GOLGB1: variants seen among roughly 807,000 people sequenced by gnomAD.
GOLGB1 encodes the protein golgin subfamily B member 1.
Under a neutral mutation model 336.9 loss-of-function variants are expected in GOLGB1, and 174 were observed. That is an observed-to-expected ratio of 0.52 (90% confidence interval 0.46 to 0.59). The LOEUF (loss-of-function observed/expected upper bound fraction) is 0.59, where lower values mean the gene tolerates loss of function less well. Ranked by LOEUF, GOLGB1 falls within the 20% of genes least tolerant of loss-of-function variation. GOLGB1 has a pLI of 0.00. For synonymous variants in GOLGB1, 1,208 were observed against 1,289.2 expected, an observed-to-expected ratio of 0.94 and a Z score of 1.35; for missense variants, 3,331 against 3,645.3, an observed-to-expected ratio of 0.91 and a Z score of 2.22.
chr3:121,680,256 A>G (rs572109059), intron 15 of GOLGB1, among the ~76,000 whole-genome samples: 111 of 152,366 alleles, frequency 7.3e-4, no homozygotes, highest in African/African-American at 2.5e-3. Context: ...GAAGATTCAA[A>G]TAAGACTGAA....
intron 5 of GOLGB1, among the ~76,000 whole-genome samples, chr3:121,725,768 G>T (rs1560302864): frequency 6.6e-6 from 1 of 152,052 alleles, no homozygotes; most frequent in Non-Finnish European, 1.5e-5. Context: ...CACATTCACA[G>T]ATTAATGGAT....
chr3:121,684,376 G>C (rs972042080), intron 14 of GOLGB1, among the ~76,000 whole-genome samples: 1 of 150,400 alleles, frequency 6.6e-6, no homozygotes, highest in Non-Finnish European at 1.5e-5. Flanking sequence ...CAGAGAAAAA[G>C]GATAGAGGAA....
rs761448806 is a variant in GOLGB1, at chr3:121,696,537, T to G, written c.3986A>C (p.Lys1329Thr). The change falls in exon 13 of 22, where the codon AAA (lysine) becomes ACA (threonine). Residue 1329 changes from lysine to threonine, a missense_variant. Transcript: ENST00000614479. The stretch of plus-strand genomic sequence containing the variant: ...AAGCTCACTTGTTGTAGAACTAACT[T>G]TCAATTCTAACTCTACTTTCTCAGC... ...IEAEKVELELKVSSTTSELTK... is the reference protein window; with the variant it reads ...IEAEKVELELTVSSTTSELTK... 1 of 1,614,152 alleles carries G rather than the reference T, an allele frequency of 6.2e-7. No homozygotes were observed. The highest frequency in any genetic ancestry group is 1.1e-5 in the South Asian group (1 of 91,074).
At chr3:121,725,536 C>A (rs116063259) in intron 5 of GOLGB1, among the ~76,000 whole-genome samples, 353 of 152,206 alleles carry the variant, frequency 2.3e-3, no homozygotes, top group Non-Finnish European at 4.2e-3. Context: ...ATTTCACAGG[C>A]TCACAGAAAT....
At chr3:121,722,159 C>A in intron 6 of GOLGB1, 103 bp downstream of exon 6, 1 of 705,256 alleles carries the variant, frequency 1.4e-6, no homozygotes, top group Admixed American at 2.2e-5. Context: ...TGCTACTATA[C>A]TTTTATCTAC....
chr3:121,730,799 T>G, intron 2 of GOLGB1, 77 bp downstream of exon 2: 1 of 1,459,918 alleles, frequency 6.8e-7, no homozygotes, highest in Non-Finnish European at 9.2e-7. Flanking sequence ...TCGCACACCC[T>G]TCTATCTTAA....
At chr3:121,715,878 G>A (rs932402309) in intron 9 of GOLGB1, among the ~76,000 whole-genome samples, 3 of 151,972 alleles carry the variant, frequency 2.0e-5, no homozygotes, top group African/African-American at 7.3e-5. Flanking sequence ...TGTAATCCAA[G>A]CTACTTGGGA....
Position 121,715,992 on chromosome 3 carries a change from C to CA in GOLGB1, c.1288+744dup, listed in dbSNP as rs55780373. Among the ~76,000 whole-genome samples, 79 of 141,142 alleles carry CA rather than the reference C, an allele frequency of 5.6e-4. No homozygotes were observed. The South Asian group carries it at 6.1e-3, about 11-fold the overall frequency. 92.6% of individuals were successfully genotyped at this position (141,142 alleles called of 152,430 possible). On this transcript the variant is annotated intron_variant, in intron 9 of 21. Coordinates refer to ENST00000614479, the MANE Select transcript of GOLGB1 (RefSeq NM_001366282.2). ...GGGCAACAAGAGTGAAACTCTGTCA[C>CA]AAAAAAAAAAAAACAAAAAACAAAA...
chr3:121,710,053 C>T (rs983249902), intron 10 of GOLGB1, among the ~76,000 whole-genome samples: 5 of 146,722 alleles, frequency 3.4e-5, no homozygotes, highest in Non-Finnish European at 7.5e-5. Flanking sequence ...ATAGACAAAA[C>T]CCCAGGAAAA....
At chr3:121,717,560 T>A (rs928147236) in intron 8 of GOLGB1, among the ~76,000 whole-genome samples, 3 of 152,032 alleles carry the variant, frequency 2.0e-5, no homozygotes, top group African/African-American at 7.2e-5. Flanking sequence ...AGAATGAAGA[T>A]CAGGACAATA....
rs1440677100 is a variant in GOLGB1 at position 121,729,270 on chromosome 3, A to G, written c.320T>C (p.Leu107Ser). The G allele has an allele frequency of 3.7e-6, 6 of 1,612,878 alleles. No individual in the cohort carries two copies. In the African/African-American group the frequency reaches 8.0e-5, roughly 22 times the overall value. Reference protein sequence around the residue: ...KLHAKAKLTSLNKYIEEMKAQ... With the variant: ...KLHAKAKLTSSNKYIEEMKAQ... The stretch of plus-strand genomic sequence containing the variant: ...TTTCATTTCTTCTATGTATTTATTC[A>G]AAGAAGTTAATTTGGCCTTCGCATG... Residue 107 changes from leucine to serine, a missense_variant, in exon 4 of 22, where the codon TTG (leucine) becomes TCG (serine). Transcript: ENST00000614479.
At chr3:121,745,631 T>C (rs557638275) in intron 1 of GOLGB1, among the ~76,000 whole-genome samples, 1 of 152,246 alleles carries the variant, frequency 6.6e-6, no homozygotes, top group African/African-American at 2.4e-5. Flanking sequence ...TAAATTCATG[T>C]AAGGAATATG....
chr3:121,741,321 G>A (rs920788587), intron 1 of GOLGB1, among the ~76,000 whole-genome samples: 1 of 152,110 alleles, frequency 6.6e-6, no homozygotes, highest in Non-Finnish European at 1.5e-5. Flanking sequence ...AGTAAAGACT[G>A]GAGGAGAGAC....
chr3:121,696,423 T>C lies in GOLGB1; in HGVS notation c.4100A>G (p.Glu1367Gly). 1 of 1,614,172 alleles carries C rather than the reference T, an allele frequency of 6.2e-7. No individual in the cohort carries two copies. The highest frequency in any genetic ancestry group is 8.5e-7 in the Non-Finnish European group (1 of 1,180,020). The change falls in exon 13 of 22, where the codon GAA becomes GGA. Residue 1367 changes from glutamate (E) to glycine (G), a missense_variant. Coordinates refer to ENST00000614479, the MANE Select transcript of GOLGB1 (RefSeq NM_001366282.2). ...CAGGCTTTCGGCATGGACTTCAGCT[T>C]CATGGGATACTGTCTTTAGACTCTC... ...EIESLKTVSHEAEVHAESLQQ... is the reference protein window; with the variant it reads ...EIESLKTVSHGAEVHAESLQQ...
At chr3:121,673,577 T>G (rs892922653) in intron 17 of GOLGB1, among the ~76,000 whole-genome samples, 1 of 152,244 alleles carries the variant, frequency 6.6e-6, no homozygotes, top group African/African-American at 2.4e-5. Context: ...CTTTCCTTTT[T>G]TTAGTGTCCT....
At chr3:121,748,930 C>G (rs749040311) in intron 1 of GOLGB1, 2 of 985,016 alleles carry the variant, frequency 2.0e-6, no homozygotes, top group Non-Finnish European at 2.4e-6. Flanking sequence ...GCAGATTAAA[C>G]ATACTCCACA....
intron 10 of GOLGB1, among the ~76,000 whole-genome samples, chr3:121,711,178 T>G (rs375994467): frequency 2.6e-5 from 4 of 151,842 alleles, no homozygotes; most frequent in African/African-American, 9.7e-5. Context: ...TGGGCAACAG[T>G]GAAACTCCAT....
At chr3:121,728,245 C>G (rs1306388470) in intron 4 of GOLGB1, among the ~76,000 whole-genome samples, 1 of 152,244 alleles carries the variant, frequency 6.6e-6, no homozygotes, top group East Asian at 1.9e-4. Flanking sequence ...AAGTAATGTT[C>G]TCTGATCATT....
At chr3:121,674,825 C>CTTTT (rs891603400) in intron 17 of GOLGB1, among the ~76,000 whole-genome samples, 123 of 120,986 alleles carry the variant, frequency 1.0e-3, no homozygotes, top group Non-Finnish European at 1.2e-3. Context: ...AGGTGCCTTT[C>CTTTT]TTTTTTTTTT....
Sources: allele counts gnomAD v4.1 joint callset (sites outside exome capture counted in the v4.1 genomes callset), GRCh38; gene constraint gnomAD v4.1.1; transcripts MANE v1.5; gene names NCBI Gene and HGNC (gene_info 2026-07-23, HGNC 2026-07-21).